Variants in MSRA observed in about 807,000 individuals in gnomAD.
MSRA encodes methionine sulfoxide reductase A.
Under a neutral mutation model 31.3 loss-of-function variants are expected in MSRA, and 54 were observed. The observed-to-expected ratio is 1.73, with a 90% CI of 1.39 to 2.17. The LOEUF (loss-of-function observed/expected upper bound fraction) is 2.17. MSRA is among the 30% of genes most tolerant of loss of function. The probability of loss-of-function intolerance (pLI) is 0.00; values close to 1 mark genes in which losing one functional copy is unlikely to be tolerated. For synonymous variants in MSRA, 169 were observed against 116.5 expected (o/e 1.45, Z -2.90); for missense variants, 507 against 300.9 (o/e 1.69, Z -5.07).
At chr8:10,261,294 C>T (rs1035933448) in intron 3 of MSRA, among the ~76,000 whole-genome samples, 6 of 150,736 alleles carry the variant, frequency 4.0e-5, no homozygotes, top group South Asian at 4.2e-4. Context: ...AAATTAATCA[C>T]GTAATCTTTG....
At chr8:10,413,679 C>G (rs1322055984) in intron 5 of MSRA, among the ~76,000 whole-genome samples, 3 of 112,028 alleles carry the variant, frequency 2.7e-5, no homozygotes, top group African/African-American at 1.0e-4. Context: ...AAAAAAAGAA[C>G]TAAGTAGAAA....
intron 1 of MSRA, among the ~76,000 whole-genome samples, chr8:10,190,603 C>A (rs980704324): frequency 3.9e-5 from 6 of 152,218 alleles, no homozygotes; most frequent in African/African-American, 1.4e-4. Context: ...TGGGCACTTT[C>A]TGTCAGTCCG....
At chr8:10,066,647 C>T (rs1383661483) in intron 1 of MSRA, among the ~76,000 whole-genome samples, 1 of 152,138 alleles carries the variant, frequency 6.6e-6, no homozygotes, top group Non-Finnish European at 1.5e-5. Flanking sequence ...GATTGTTCTG[C>T]CTCAGCCTTC....
intron 1 of MSRA, among the ~76,000 whole-genome samples, chr8:10,100,055 G>C (rs1799431218): frequency 6.6e-6 from 1 of 152,212 alleles, no homozygotes; most frequent in Non-Finnish European, 1.5e-5. Context: ...CCAGCAAGCA[G>C]CTTCAGTCCT....
chr8:10,337,768 A>G, intron 5 of MSRA: 1 of 702,502 alleles, frequency 1.4e-6, no homozygotes, highest in Non-Finnish European at 2.6e-6. Context: ...CCTCTGCTCA[A>G]CTCGCCTGGG....
intron 1 of MSRA, among the ~76,000 whole-genome samples, chr8:10,076,624 G>T (rs543845726): frequency 1.3e-5 from 2 of 152,264 alleles, no homozygotes; most frequent in South Asian, 4.2e-4. Context: ...TATCGCAAGG[G>T]AATTTCTTTG....
intron 5 of MSRA, among the ~76,000 whole-genome samples, chr8:10,409,778 G>A (rs1040455767): frequency 6.6e-6 from 1 of 152,268 alleles, no homozygotes; most frequent in Non-Finnish European, 1.5e-5. Flanking sequence ...TTTCTTCATA[G>A]AAGCTGGGCA....
At position 10,078,321 on chromosome 8, in the gene MSRA, C is replaced by T. The variant is rs1404242060; in HGVS notation, c.142+23663C>T. On this transcript the variant is annotated intron_variant, in intron 1 of 5. Coordinates refer to ENST00000317173, the MANE Select transcript of MSRA (RefSeq NM_012331.5). ...GTAGAGACCAGGATGGAAGCTGAAA[C>T]GTGAGAGAGGTGTGTATGAATGGTT... Among the ~76,000 whole-genome samples, 4 of 152,214 alleles carry T rather than the reference C, an allele frequency of 2.6e-5. No homozygotes were observed. In the East Asian group the frequency reaches 5.8e-4, roughly 22 times the overall value.
intron 1 of MSRA, among the ~76,000 whole-genome samples, chr8:10,062,366 C>T (rs1305108062): frequency 6.6e-6 from 1 of 152,180 alleles, no homozygotes; most frequent in Non-Finnish European, 1.5e-5. Flanking sequence ...AGTTGTGGAT[C>T]TTCTACATGC....
intron 2 of MSRA, among the ~76,000 whole-genome samples, chr8:10,243,238 ACT>A (rs1244918507): frequency 6.6e-6 from 1 of 151,636 alleles, no homozygotes; most frequent in Non-Finnish European, 1.5e-5. Flanking sequence ...TATTCAACAA[ACT>A]CTGCAGACTC....
At chr8:10,178,322 G>T (rs1229904211) in intron 1 of MSRA, among the ~76,000 whole-genome samples, 1 of 152,040 alleles carries the variant, frequency 6.6e-6, no homozygotes, top group Non-Finnish European at 1.5e-5. Flanking sequence ...GGACACGGTG[G>T]CTCATGTGTG....
At chr8:10,319,073 C>T (rs1444005875) in intron 4 of MSRA, among the ~76,000 whole-genome samples, 1 of 152,144 alleles carries the variant, frequency 6.6e-6, no homozygotes, top group African/African-American at 2.4e-5. Flanking sequence ...TTTCTGAAAC[C>T]TTGCATTTTT....
rs146993873 is a variant in MSRA, at chr8:10,365,066, G to T, written c.543+45077G>T. ...CATGGAGGCTGAGCTTTGCCAAACA[G>T]ACAGATAGGAAGCAAAATTAGAAGC... On this transcript the variant is annotated intron_variant, in intron 5 of 5. Coordinates refer to ENST00000317173, the MANE Select transcript of MSRA (RefSeq NM_012331.5). 1.9e-3 allele frequency among the ~76,000 whole-genome samples: 274 copies of T among 144,094 alleles called. 4 individuals are homozygous for T. The highest frequency in any genetic ancestry group is 6.7e-3 in the African/African-American group (259 of 38,466). 94.5% of individuals were successfully genotyped at this position (144,094 alleles called of 152,430 possible).
chr8:10,152,941 G>T (rs1459386327), intron 1 of MSRA, among the ~76,000 whole-genome samples: 1 of 152,162 alleles, frequency 6.6e-6, no homozygotes, highest in East Asian at 1.9e-4. Flanking sequence ...ACTGAGTCGA[G>T]GTTCCTAGAG....
intron 5 of MSRA, among the ~76,000 whole-genome samples, chr8:10,406,281 A>G (rs562169540): frequency 6.6e-6 from 1 of 152,362 alleles, no homozygotes; most frequent in East Asian, 1.9e-4. Context: ...ACCTTGGGCA[A>G]GTTCCTTAAC....
chr8:10,226,983 G>T (rs1409070284), intron 2 of MSRA, among the ~76,000 whole-genome samples: 1 of 152,156 alleles, frequency 6.6e-6, no homozygotes, highest in Non-Finnish European at 1.5e-5. Flanking sequence ...CCAGGGAGCT[G>T]GTTTTGAGAA....
At chr8:10,143,241 T>C (rs1438436880) in intron 1 of MSRA, among the ~76,000 whole-genome samples, 2 of 151,328 alleles carry the variant, frequency 1.3e-5, no homozygotes, top group Non-Finnish European at 2.9e-5. Flanking sequence ...ATCCCTCACA[T>C]CACCCGAGAC....
chr8:10,202,883 T>C (rs1585158853), intron 1 of MSRA, among the ~76,000 whole-genome samples: 1 of 152,126 alleles, frequency 6.6e-6, no homozygotes, highest in Non-Finnish European at 1.5e-5. Context: ...CATGAAGAGG[T>C]TGAGTGACTA....
At chr8:10,354,750 G>GTATATATATA (rs754778002) in intron 5 of MSRA, among the ~76,000 whole-genome samples, 31 of 138,396 alleles carry the variant, frequency 2.2e-4, no homozygotes, top group African/African-American at 8.3e-4. Context: ...GTGTGTGTGT[G>GTATATATATA]TATATATATA....
Sources: gnomAD v4.1 joint callset for allele counts (sites outside exome capture counted in the v4.1 genomes callset) on GRCh38, gnomAD v4.1.1 for gene constraint, MANE v1.5 for transcripts, NCBI Gene and HGNC (gene_info 2026-07-23, HGNC 2026-07-21) for gene names.